Variants in L3MBTL4 observed in about 807,000 individuals in gnomAD.
L3MBTL4 encodes the protein lethal(3)malignant brain tumor-like protein 4.
L3MBTL4 carries 70 observed loss-of-function variants against 84.5 expected under a neutral mutation model. The observed-to-expected ratio is 0.83, with a 90% CI of 0.68 to 1.01. L3MBTL4 has a LOEUF of 1.01. Ranked by LOEUF, L3MBTL4 falls within the 50% of genes least tolerant of loss-of-function variation. The probability of loss-of-function intolerance (pLI) is 0.00; values close to 1 mark genes in which losing one functional copy is unlikely to be tolerated. For missense variants in L3MBTL4, 715 were observed against 754.8 expected, an observed-to-expected ratio of 0.95 and a Z score of 0.62; for synonymous variants, 274 against 259.8, an observed-to-expected ratio of 1.05 and a Z score of -0.52.
chr18:6,077,870 A>C (rs970290554), intron 16 of L3MBTL4, among the ~76,000 whole-genome samples: 3 of 151,898 alleles, frequency 2.0e-5, no homozygotes, highest in Admixed American at 2.0e-4. Context: ...CTCTACTAAA[A>C]ATACAAAAAT....
At chr18:6,306,929 T>C (rs1407606765) in intron 3 of L3MBTL4, among the ~76,000 whole-genome samples, 1 of 151,956 alleles carries the variant, frequency 6.6e-6, no homozygotes, top group Non-Finnish European at 1.5e-5. Context: ...CCCAACCCCA[T>C]CCAATGCTCA....
At position 6,317,368 on chromosome 18, in the gene L3MBTL4, TA is replaced by T. The variant is rs1303349158; in HGVS notation, c.-90-5313del. Among the ~76,000 whole-genome samples, 27 of 151,538 alleles carry T rather than the reference TA, an allele frequency of 1.8e-4. No individual in the cohort carries two copies. In the East Asian group the frequency reaches 4.8e-3, roughly 27 times the overall value. ...AGAAATGAAAAAAAAATTCAAGATA[TA>T]AATGAAAAATGTTATAAAGAGATAC... On this transcript the variant is annotated intron_variant, in intron 1 of 18. Coordinates refer to ENST00000317931, the MANE Select transcript of L3MBTL4 (RefSeq NM_001330559.2).
chr18:6,281,058 A>G (rs2049299328), intron 4 of L3MBTL4, among the ~76,000 whole-genome samples: 1 of 152,218 alleles, frequency 6.6e-6, no homozygotes. Context: ...CAGAATGTAC[A>G]TCAGGAATAA....
intron 1 of L3MBTL4, chr18:6,396,848 C>G (rs1291696410): frequency 6.6e-6 from 1 of 152,190 alleles, no homozygotes; most frequent in Admixed American, 6.5e-5. Context: ...CAAAACAACC[C>G]TCTTCTACAG....
At chr18:6,008,339 C>T (rs747540273) in intron 16 of L3MBTL4, among the ~76,000 whole-genome samples, 1 of 152,102 alleles carries the variant, frequency 6.6e-6, no homozygotes, top group Admixed American at 6.5e-5. Flanking sequence ...CAAGGAAGGT[C>T]GATCTGTATC....
At position 5,955,326 on chromosome 18, in the gene L3MBTL4, G is replaced by A. The variant is rs1446631382; in HGVS notation, c.*894C>T. 1 of 152,244 alleles carries A rather than the reference G, an allele frequency of 6.6e-6. No homozygotes were observed. Among genetic ancestry groups the A allele is most frequent in the Non-Finnish European group, 1.5e-5 (1 of 68,046 alleles). 9.4% of individuals were successfully genotyped at this position (152,244 alleles called of 1,614,324 possible). A position where few individuals can be genotyped will look rare whatever the true frequency, so the allele number is the denominator to read the frequency against. On this transcript the variant is annotated 3_prime_UTR_variant, in exon 19 of 19. Coordinates refer to ENST00000317931, the MANE Select transcript of L3MBTL4 (RefSeq NM_001330559.2). ...TGTAAAGATGCACACAGCCCCAGAT[G>A]TAATATAACACAGCTCCTTATTACA...
At chr18:6,090,139 A>G (rs1296351841) in intron 15 of L3MBTL4, among the ~76,000 whole-genome samples, 1 of 152,194 alleles carries the variant, frequency 6.6e-6, no homozygotes, top group Non-Finnish European at 1.5e-5. Context: ...ATTAGCACAA[A>G]TAAAAAAGGA....
rs78498734 is a variant in L3MBTL4, at chr18:6,401,697, G to A, written c.-91+13104C>T. On this transcript the variant is annotated intron_variant, in intron 1 of 18. Transcript: ENST00000317931. ...AGGTGAGAGTCAATAGGAAAAGTGC[G>A]CCCTGTGCACACCCACAAGGCGGCT... Among the ~76,000 whole-genome samples the A allele has an allele frequency of 8.5e-3, 1,294 of 152,270 alleles. 14 individuals carry two copies. Among genetic ancestry groups the A allele is most frequent in the African/African-American group, 0.029 (1,214 of 41,548 alleles).
At chr18:6,008,197 G>A (rs182408025) in intron 16 of L3MBTL4, among the ~76,000 whole-genome samples, 5 of 152,070 alleles carry the variant, frequency 3.3e-5, no homozygotes, top group Admixed American at 1.3e-4. Flanking sequence ...GAGAATGGGA[G>A]ACCTCCTCCC....
chr18:6,157,558 G>A (rs2043154209), intron 13 of L3MBTL4, among the ~76,000 whole-genome samples: 1 of 152,082 alleles, frequency 6.6e-6, no homozygotes, highest in South Asian at 2.1e-4. Context: ...GCCATATGGT[G>A]TATTTACAAG....
In L3MBTL4 at chr18:6,301,890, T is replaced by G; in HGVS notation, c.127+13A>C. ...CACTGTGAACTACCACTGTAAATAT[T>G]GGTGATAATTACCGTGACTCAAAGG... On this transcript the variant is annotated intron_variant, in intron 4 of 18. Coordinates refer to ENST00000317931, the MANE Select transcript of L3MBTL4 (RefSeq NM_001330559.2). 6.3e-7 allele frequency: 1 copy of G among 1,597,000 alleles called. No individual in the cohort carries two copies. The highest frequency in any genetic ancestry group is 8.6e-7 in the Non-Finnish European group (1 of 1,164,278).
chr18:6,181,931 T>C (rs1175307316), intron 12 of L3MBTL4, among the ~76,000 whole-genome samples: 1 of 152,176 alleles, frequency 6.6e-6, no homozygotes, highest in Non-Finnish European at 1.5e-5. Context: ...TTTGGGTTGA[T>C]TCTGTGTCTT....
At chr18:6,244,107 T>C (rs988377614) in intron 6 of L3MBTL4, among the ~76,000 whole-genome samples, 25 of 152,188 alleles carry the variant, frequency 1.6e-4, no homozygotes, top group Non-Finnish European at 3.1e-4. Flanking sequence ...AATGTATTTA[T>C]ATAAATATAT....
At chr18:6,056,549 G>C (rs1469788065) in intron 16 of L3MBTL4, among the ~76,000 whole-genome samples, 5 of 152,120 alleles carry the variant, frequency 3.3e-5, no homozygotes, top group African/African-American at 1.2e-4. Context: ...CCTTTCTTAT[G>C]CACTCAGCTG....
At chr18:5,960,322 C>T (rs758036221) in intron 17 of L3MBTL4, among the ~76,000 whole-genome samples, 166 bp from the exon 18 acceptor site, 3 of 152,050 alleles carry the variant, frequency 2.0e-5, no homozygotes, top group Non-Finnish European at 2.9e-5. Flanking sequence ...GAAATTAGAC[C>T]AGCCCCCAGT....
At position 6,407,539 on chromosome 18, in the gene L3MBTL4, G is replaced by T. The variant is rs140333303; in HGVS notation, c.-91+7262C>A. Among the ~76,000 whole-genome samples, 200 of 152,222 alleles carry T rather than the reference G, an allele frequency of 1.3e-3. 2 individuals carry two copies. The highest frequency in any genetic ancestry group is 0.012 in the East Asian group (64 of 5,190). On this transcript the variant is annotated intron_variant, in intron 1 of 18. Transcript: ENST00000317931. ...AGGCTATAATGATAGAGAATTAAAG[G>T]ATATTCTTTGCCTTTGTATTTTCTT...
At chr18:6,243,506 T>TGA in intron 6 of L3MBTL4, 77 bp from the exon 7 acceptor site, 1 of 1,281,980 alleles carries the variant, frequency 7.8e-7, no homozygotes, top group Non-Finnish European at 1.1e-6. Context: ...AAAATATTCA[T>TGA]ATATTTTGTC....
chr18:6,386,991 G>T (rs2054848822), intron 1 of L3MBTL4, among the ~76,000 whole-genome samples: 1 of 152,176 alleles, frequency 6.6e-6, no homozygotes. Context: ...GTGGCTTGGG[G>T]GTAGATGGCA....
intron 12 of L3MBTL4, among the ~76,000 whole-genome samples, chr18:6,178,411 A>T (rs1401990100): frequency 6.6e-6 from 1 of 152,198 alleles, no homozygotes; most frequent in Non-Finnish European, 1.5e-5. Flanking sequence ...TAAAAATCCG[A>T]TTTAAAAAAT....
Sources: gnomAD v4.1 joint callset for allele counts (sites outside exome capture counted in the v4.1 genomes callset) on GRCh38, gnomAD v4.1.1 for gene constraint, MANE v1.5 for transcripts, NCBI Gene and HGNC (gene_info 2026-07-23, HGNC 2026-07-21) for gene names.